NOC3L: variants seen among roughly 807,000 people sequenced by gnomAD.
NOC3L encodes nucleolar complex protein 3 homolog.
A neutral mutation model predicts 102.5 loss-of-function variants in NOC3L; 85 were observed. The observed-to-expected ratio is 0.83, with a 90% CI of 0.70 to 0.99. NOC3L has a LOEUF of 0.99. Ranked by LOEUF, NOC3L falls within the 50% of genes least tolerant of loss-of-function variation. The pLI is 0.00. For synonymous variants in NOC3L, 303 were observed against 309.4 expected (o/e 0.98, Z 0.22); for missense variants, 878 against 914.9 (o/e 0.96, Z 0.52).
In NOC3L at chr10:94,361,732, C is replaced by T. The variant is rs781385083; in HGVS notation, c.150G>A (p.Arg50=). 1.6e-5 allele frequency: 25 copies of T among 1,611,344 alleles called. No homozygotes were observed. The highest frequency in any genetic ancestry group is 2.1e-5 in the Non-Finnish European group (25 of 1,178,662). Residue 50 remains arginine, a synonymous_variant, in exon 2 of 21, where the codon AGG becomes AGA. Transcript: ENST00000371361. ...KKYRKEQRKL[R]QAVKDAVSKK... is the part of the protein sequence containing the mutation. ...TAGACACAGCATCTTTCACAGCTTGCCTTAGTTTCCTCTGTTCTTTTCGGT... is the reference window on the plus strand; with the variant it reads ...TAGACACAGCATCTTTCACAGCTTGTCTTAGTTTCCTCTGTTCTTTTCGGT...
At position 94,352,807 on chromosome 10, in the gene NOC3L, G is replaced by A. The variant is rs1356050455; in HGVS notation, c.858+89C>T. ...ACTGCACTCTAGTCTGGGCGACAGA[G>A]TAAAACTCTGCCTCAAAAAAAAAAA... On this transcript the variant is annotated intron_variant, in intron 7 of 20. Coordinates refer to ENST00000371361, the MANE Select transcript of NOC3L (RefSeq NM_022451.11). The A allele has an allele frequency of 4.3e-6, 5 of 1,163,596 alleles. No individual in the cohort carries two copies. The African/African-American group carries it at 7.8e-5, about 18-fold the overall frequency. The allele number at this position is 1,163,596 out of a possible 1,614,324, so 72.1% of individuals were successfully genotyped here.
At chr10:94,331,616 G>A (rs2054156465), downstream of NOC3L, 1 of 152,196 alleles carries the variant, frequency 6.6e-6, no homozygotes, top group Admixed American at 6.5e-5. Flanking sequence ...TATATCAGCA[G>A]TGAGGCCAGA....
chr10:94,341,454 G>A (rs936804702), intron 14 of NOC3L, among the ~76,000 whole-genome samples: 2 of 150,418 alleles, frequency 1.3e-5, no homozygotes, highest in Admixed American at 1.3e-4. Context: ...AAGAAAACAG[G>A]TCAGACAACC....
chr10:94,347,271 C>T (rs956097667), intron 10 of NOC3L, among the ~76,000 whole-genome samples: 2 of 152,104 alleles, frequency 1.3e-5, no homozygotes, highest in South Asian at 2.1e-4. Context: ...TGGGATTACA[C>T]GGCTAAAAGC....
At chr10:94,334,585 T>TA (rs1333091286) in intron 20 of NOC3L, 49 bp downstream of exon 20, 1 of 1,334,484 alleles carries the variant, frequency 7.5e-7, no homozygotes, top group East Asian at 2.3e-5. Context: ...GTTATTGAGA[T>TA]ACATTGGTTT....
chr10:94,350,425 C>T (rs2054401076), intron 8 of NOC3L, 137 bp from the exon 9 acceptor site: 3 of 749,448 alleles, frequency 4.0e-6, no homozygotes, highest in Non-Finnish European at 6.6e-6. Flanking sequence ...AAAAAGACTT[C>T]ATATGCTGGG....
At position 94,344,857 on chromosome 10, in the gene NOC3L, T is replaced by C; in HGVS notation, c.1466A>G (p.Lys489Arg). 6.3e-7 allele frequency: 1 copy of C among 1,597,906 alleles called. No individual in the cohort carries two copies. Among genetic ancestry groups the C allele is most frequent in the Non-Finnish European group, 8.5e-7 (1 of 1,175,212 alleles). ...EASESTEKKL[K>R]LHTETLNIVF... ...ACAGAATATGAAACTGCCTACCAGT[T>C]TAAGTTTTTTCTCAGTACTCTCTGA... Residue 489 changes from lysine (K) to arginine (R), a missense_variant, in exon 12 of 21, where the codon AAA (lysine) becomes AGA (arginine). Transcript: ENST00000371361.
At chr10:94,341,645 T>C (rs774720237) in intron 14 of NOC3L, 28 bp downstream of exon 14, 6 of 1,229,448 alleles carry the variant, frequency 4.9e-6, no homozygotes, top group Non-Finnish European at 6.6e-6. Context: ...CATTTATATC[T>C]TTTAAAAAAT....
chr10:94,358,931 C>G (rs1264574081), intron 2 of NOC3L, among the ~76,000 whole-genome samples: 1 of 152,062 alleles, frequency 6.6e-6, no homozygotes, highest in African/African-American at 2.4e-5. Flanking sequence ...TAACAAAATC[C>G]CAACAACAGA....
chr10:94,349,210 A>G (rs908575754), intron 10 of NOC3L, 40 bp downstream of exon 10: 2 of 1,560,132 alleles, frequency 1.3e-6, no homozygotes, highest in Non-Finnish European at 1.7e-6. Flanking sequence ...CAACTTTGTA[A>G]TTTAAAAACA....
At chr10:94,319,712 T>C in the NOC3L span, among the ~76,000 whole-genome samples, 9 of 152,240 alleles carry the variant, frequency 5.9e-5, no homozygotes, top group African/African-American at 2.2e-4. Flanking sequence ...ATGAGACTCA[T>C]GTCAAACATG....
chr10:94,353,444 G>A (rs2054447013), intron 6 of NOC3L, among the ~76,000 whole-genome samples: 1 of 152,132 alleles, frequency 6.6e-6, no homozygotes, highest in African/African-American at 2.4e-5. Context: ...GAAAGATAGG[G>A]GAGGTTCTAA....
rs34713827 is a variant in NOC3L, at chr10:94,340,500, T to TA, written c.1645-5dup. ...GACTTTCTTGATAGCTTAGGTCCTT[T>TA]AAAAAAAAAAGGGGGGGGTGAGGGG... On this transcript the variant is annotated splice_polypyrimidine_tract_variant and splice_region_variant and intron_variant, in intron 14 of 20. Coordinates refer to ENST00000371361, the MANE Select transcript of NOC3L (RefSeq NM_022451.11). 0.011 allele frequency: 8,120 copies of TA among 738,752 alleles called. 6 individuals carry two copies. The highest frequency in any genetic ancestry group is 0.03 in the African/African-American group (1,325 of 44,056). The allele number at this position is 738,752 out of a possible 1,614,324, so 45.8% of individuals were successfully genotyped here. A position where few individuals can be genotyped will look rare whatever the true frequency, so the allele number is the denominator to read the frequency against.
At chr10:94,345,249 A>G (rs2054329908) in intron 11 of NOC3L, among the ~76,000 whole-genome samples, 1 of 152,102 alleles carries the variant, frequency 6.6e-6, no homozygotes. Context: ...TGAATAGCAG[A>G]TATCTGGGAT....
In NOC3L at chr10:94,350,125, G is replaced by T. The variant is rs2054397378; in HGVS notation, c.1116C>A (p.Asp372Glu). Reference sequence around the variant, plus strand: ...TACAGCAACTCACCAATTTTGACATGTCATTCATGAGAGGGACAATCAATA... The same window carrying T: ...TACAGCAACTCACCAATTTTGACATTTCATTCATGAGAGGGACAATCAATA... Reference protein sequence around the residue: ...IIVLIVPLMNDMSKLISEMCC... With the variant: ...IIVLIVPLMNEMSKLISEMCC... Residue 372 changes from aspartate (D) to glutamate (E), a missense_variant, in exon 9 of 21, where the codon GAC (aspartate) becomes GAA (glutamate). By Grantham distance (45) the Asp-to-Glu change is conservative (BLOSUM62 2). Coordinates refer to ENST00000371361, the MANE Select transcript of NOC3L (RefSeq NM_022451.11). 6.2e-7 allele frequency: 1 copy of T among 1,613,884 alleles called. No homozygotes were observed. The highest frequency in any genetic ancestry group is 8.5e-7 in the Non-Finnish European group (1 of 1,179,978).
At position 94,352,400 on chromosome 10, in the gene NOC3L, G is replaced by A. The variant is rs147826125; in HGVS notation, c.862C>T (p.Arg288Ter). The change falls in exon 8 of 21, where the codon CGA (arginine) becomes TGA (stop). Residue 288 changes from arginine (R) to a stop codon, truncating the protein, a stop_gained. Coordinates refer to ENST00000371361, the MANE Select transcript of NOC3L (RefSeq NM_022451.11). LOFTEE classifies it high-confidence loss of function. ...LTEAEKSTKT[R>*]KETQKLREFE... ...TCTCTTAACTTCTGGGTTTCTTTTC[G>A]GGTCTGAAAAGACCAAAAAGGTCAA... 1.2e-5 allele frequency: 19 copies of A among 1,606,530 alleles called. No homozygotes were observed. Among genetic ancestry groups the A allele is most frequent in the South Asian group, 6.7e-5 (6 of 89,516 alleles).
chr10:94,327,979 T>G, the NOC3L span: 1 of 532,744 alleles, frequency 1.9e-6, no homozygotes, highest in East Asian at 5.4e-5. Flanking sequence ...TGAAGATCTT[T>G]AAGCAAGAAG....
intron 10 of NOC3L, among the ~76,000 whole-genome samples, chr10:94,347,952 T>C (rs1201139086): frequency 6.6e-6 from 1 of 151,826 alleles, no homozygotes; most frequent in Non-Finnish European, 1.5e-5. Context: ...AAGAATATTG[T>C]GGAGAAAAAA....
chr10:94,353,961 A>G (rs1720566578), intron 6 of NOC3L, among the ~76,000 whole-genome samples: 1 of 152,218 alleles, frequency 6.6e-6, no homozygotes, highest in African/African-American at 2.4e-5. Context: ...TCCTGAGTAG[A>G]AGATCTGGGT....
Sources: gnomAD v4.1 joint callset for allele counts (sites outside exome capture counted in the v4.1 genomes callset) on GRCh38, gnomAD v4.1.1 for gene constraint, MANE v1.5 for transcripts, NCBI Gene and HGNC (gene_info 2026-07-23, HGNC 2026-07-21) for gene names.